The following ASTN1 variants were observed in gnomAD, a reference collection of about 807,000 sequenced individuals.
The protein encoded by ASTN1 is astrotactin-1.
In ASTN1, 41 loss-of-function variants were observed where a neutral mutation model predicts 140.7. That is an observed-to-expected ratio of 0.29 (90% CI 0.23 to 0.38). The LOEUF is 0.38. ASTN1 is among the 10% of genes least tolerant of loss of function. ASTN1 has a pLI of 1.00. For synonymous variants in ASTN1, 640 were observed against 652.2 expected (o/e 0.98, Z 0.29); for missense variants, 1,479 against 1,678.8 (o/e 0.88, Z 2.08).
intron 2 of ASTN1, among the ~76,000 whole-genome samples, chr1:177,056,032 A>C (rs564938526): frequency 6.6e-6 from 1 of 152,316 alleles, no homozygotes; most frequent in South Asian, 2.1e-4. Flanking sequence ...GTATGAAATG[A>C]GGCACGGCTT....
chr1:176,988,637 G>A (rs1467536384), intron 8 of ASTN1, among the ~76,000 whole-genome samples: 1 of 152,138 alleles, frequency 6.6e-6, no homozygotes, highest in Non-Finnish European at 1.5e-5. Flanking sequence ...TTCCTTGAAA[G>A]AAACTAAGAA....
At chr1:176,893,342 A>G (rs1669349962) in intron 17 of ASTN1, among the ~76,000 whole-genome samples, 2 of 152,224 alleles carry the variant, frequency 1.3e-5, no homozygotes, top group Non-Finnish European at 2.9e-5. Context: ...CTGGGTCTCT[A>G]TGGTGACCCA....
At chr1:176,919,409 T>C (rs982473812) in intron 16 of ASTN1, among the ~76,000 whole-genome samples, 1 of 152,204 alleles carries the variant, frequency 6.6e-6, no homozygotes, top group Non-Finnish European at 1.5e-5. Flanking sequence ...AACATATTAA[T>C]TACCCCCGAA....
chr1:176,986,976 C>A (rs1673937175), intron 8 of ASTN1, among the ~76,000 whole-genome samples: 1 of 152,118 alleles, frequency 6.6e-6, no homozygotes, highest in Non-Finnish European at 1.5e-5. Flanking sequence ...ACAATGGGGG[C>A]AAGCGTGGAT....
chr1:177,029,238 C>A, intron 5 of ASTN1: 1 of 451,684 alleles, frequency 2.2e-6, no homozygotes, highest in South Asian at 1.6e-5. Flanking sequence ...TAGCTCAAAC[C>A]CAAGGCCAAT....
intron 1 of ASTN1, among the ~76,000 whole-genome samples, chr1:177,110,223 A>G (rs747277472): frequency 4.6e-5 from 7 of 152,280 alleles, no homozygotes; most frequent in East Asian, 1.9e-4. Flanking sequence ...GCCAAAGGCC[A>G]TCATAAGACA....
In ASTN1 at chr1:176,934,144, C is replaced by A; in HGVS notation, c.2671+8G>T. The stretch of plus-strand genomic sequence containing the variant: ...GGTATGGAATTTGCCAACAAGCATG[C>A]CACTCACCTTTACTGATGTCTTCAT... On this transcript the variant is annotated splice_region_variant and intron_variant, in intron 16 of 22. Transcript: ENST00000361833. 1 of 1,599,432 alleles carries A rather than the reference C, an allele frequency of 6.3e-7. No homozygotes were observed. Among genetic ancestry groups the A allele is most frequent in the Non-Finnish European group, 8.6e-7 (1 of 1,168,312 alleles).
chr1:176,869,671 A>G (rs998738495), intron 21 of ASTN1, among the ~76,000 whole-genome samples: 1 of 152,164 alleles, frequency 6.6e-6, no homozygotes, highest in Non-Finnish European at 1.5e-5. Flanking sequence ...GGGTAGAAGG[A>G]AAGAATTTAT....
intron 1 of ASTN1, among the ~76,000 whole-genome samples, chr1:177,084,607 T>A (rs1056507361): frequency 1.3e-5 from 2 of 152,156 alleles, no homozygotes; most frequent in African/African-American, 4.8e-5. Flanking sequence ...TTTATTTCCA[T>A]GGTTAACCCC....
chr1:176,959,663 G>A (rs905801238), intron 9 of ASTN1, among the ~76,000 whole-genome samples: 14 of 152,214 alleles, frequency 9.2e-5, no homozygotes, highest in African/African-American at 3.4e-4. Context: ...CAGCTGGAGA[G>A]GTGTGGGACA....
chr1:176,892,726 G>A (rs1159718357), intron 17 of ASTN1, among the ~76,000 whole-genome samples: 2 of 152,196 alleles, frequency 1.3e-5, no homozygotes, highest in African/African-American at 4.8e-5. Context: ...TATGCCAGAG[G>A]TAGAAATAAA....
At chr1:176,962,733 C>T (rs377295821) in intron 9 of ASTN1, among the ~76,000 whole-genome samples, 12 of 152,248 alleles carry the variant, frequency 7.9e-5, no homozygotes, top group Admixed American at 2.0e-4. Context: ...CTCATGCCCT[C>T]GCCACACCTT....
At chr1:177,055,761 T>C (rs1677770465) in intron 2 of ASTN1, among the ~76,000 whole-genome samples, 1 of 152,220 alleles carries the variant, frequency 6.6e-6, no homozygotes, top group Non-Finnish European at 1.5e-5. Context: ...GGACTGGTCC[T>C]GATAAATTAG....
chr1:177,105,655 A>C (rs1680514516), intron 1 of ASTN1, among the ~76,000 whole-genome samples: 1 of 151,974 alleles, frequency 6.6e-6, no homozygotes, highest in African/African-American at 2.4e-5. Context: ...AAAAAAAAAA[A>C]ACCTCACATT....
At chr1:176,961,637 C>A (rs1429728843) in intron 9 of ASTN1, among the ~76,000 whole-genome samples, 1 of 152,200 alleles carries the variant, frequency 6.6e-6, no homozygotes, top group Non-Finnish European at 1.5e-5. Flanking sequence ...CAGCAGCTTT[C>A]TAGTTCATGC....
At chr1:177,035,473 G>A (rs1285128410) in intron 2 of ASTN1, among the ~76,000 whole-genome samples, 1 of 152,214 alleles carries the variant, frequency 6.6e-6, no homozygotes, top group Non-Finnish European at 1.5e-5. Flanking sequence ...CAAAGGAGGA[G>A]CTATCATAAA....
At chr1:177,066,320 G>T (rs1462965328) in intron 1 of ASTN1, among the ~76,000 whole-genome samples, 1 of 152,168 alleles carries the variant, frequency 6.6e-6, no homozygotes, top group African/African-American at 2.4e-5. Flanking sequence ...ATAATTTAGA[G>T]CTTCTGCATG....
chr1:176,989,516 G>C (rs1674061980), intron 8 of ASTN1, among the ~76,000 whole-genome samples: 1 of 152,048 alleles, frequency 6.6e-6, no homozygotes, highest in Non-Finnish European at 1.5e-5. Flanking sequence ...ACAAAATAGG[G>C]AAAAATGATG....
intron 1 of ASTN1, among the ~76,000 whole-genome samples, chr1:177,135,763 A>C (rs902855150): frequency 6.6e-6 from 1 of 152,182 alleles, no homozygotes; most frequent in Non-Finnish European, 1.5e-5. Flanking sequence ...AACACTTTCC[A>C]GCTTAAATAT....
Sources: allele counts gnomAD v4.1 joint callset (sites outside exome capture counted in the v4.1 genomes callset), GRCh38; gene constraint gnomAD v4.1.1; transcripts MANE v1.5; gene names NCBI Gene and HGNC (gene_info 2026-07-23, HGNC 2026-07-21).